The following ARNT variants were observed in gnomAD, a reference collection of about 807,000 sequenced individuals.
ARNT encodes class E basic helix-loop-helix protein 2.
In ARNT, 30 loss-of-function variants were observed where a neutral mutation model predicts 105.0. That is an observed-to-expected ratio of 0.29 (90% confidence interval 0.21 to 0.39). The LOEUF is 0.39. Ranked by LOEUF, ARNT falls within the 10% of genes least tolerant of loss-of-function variation. ARNT has a pLI of 1.00. For synonymous variants in ARNT, 304 were observed against 344.0 expected (o/e 0.88, Z 1.29); for missense variants, 748 against 978.7 (o/e 0.76, Z 3.15).
At chr1:150,825,896 G>GA (rs1165628918) in intron 13 of ARNT, among the ~76,000 whole-genome samples, 1 of 150,220 alleles carries the variant, frequency 6.7e-6, no homozygotes, top group Non-Finnish European at 1.5e-5. Flanking sequence ...CAAGCTTAGT[G>GA]AAGTATACAA....
intron 8 of ARNT, 53 bp from the exon 9 acceptor site, chr1:150,832,452 C>T (rs1047113204): frequency 5.2e-6 from 8 of 1,541,086 alleles, no homozygotes; most frequent in Middle Eastern, 3.4e-4. Context: ...TATCAAAGAA[C>T]TTTCCACAGT....
intron 1 of ARNT, among the ~76,000 whole-genome samples, chr1:150,866,224 C>T (rs1035263976): frequency 2.6e-5 from 4 of 152,110 alleles, no homozygotes; most frequent in Admixed American, 2.0e-4. Context: ...CTCAGGTGAT[C>T]CACCTGCCTC....
intron 6 of ARNT, among the ~76,000 whole-genome samples, 198 bp downstream of exon 6, chr1:150,839,243 T>C (rs954005380): frequency 3.3e-5 from 5 of 152,238 alleles, no homozygotes; most frequent in Admixed American, 1.3e-4. Flanking sequence ...TAATACTTAT[T>C]AGCTTATTAA....
At chr1:150,875,639 G>GGAAT (rs1191784645) in intron 1 of ARNT, among the ~76,000 whole-genome samples, 5 of 152,188 alleles carry the variant, frequency 3.3e-5, no homozygotes, top group African/African-American at 1.2e-4. Flanking sequence ...CTTCTAAAGA[G>GGAAT]GAATAACTGT....
Position 150,810,812 on chromosome 1 carries a change from C to T in ARNT, c.*1209G>A, listed in dbSNP as rs946255950. On this transcript the variant is annotated 3_prime_UTR_variant, in exon 22 of 22. Transcript: ENST00000358595. ...ATGATACTTGCACTCTAAAGCAAAACCCAATCTCAAGATTGGAGGGAGCAA... is the reference window on the plus strand; with the variant it reads ...ATGATACTTGCACTCTAAAGCAAAATCCAATCTCAAGATTGGAGGGAGCAA... The T allele has an allele frequency of 1.8e-5, 4 of 221,860 alleles. No homozygotes were observed. Among genetic ancestry groups the T allele is most frequent in the African/African-American group, 9.0e-5 (4 of 44,662 alleles). The allele number at this position is 221,860 out of a possible 1,614,324, so 13.7% of individuals were successfully genotyped here.
At position 150,839,748 on chromosome 1, in the gene ARNT, G is replaced by T. The variant is rs954239611; in HGVS notation, c.273-94C>A. On this transcript the variant is annotated intron_variant, in intron 5 of 21. Coordinates refer to ENST00000358595, the MANE Select transcript of ARNT (RefSeq NM_001668.4). ...TATGGATACCAAGTGTGCTGCTGAA[G>T]AATGTGGTATTCAGATTTAGTGATG... is the stretch of plus-strand genomic sequence containing the variant. 22 of 1,289,614 alleles carry T rather than the reference G, an allele frequency of 1.7e-5. No homozygotes were observed. In the Admixed American group the frequency reaches 2.5e-4, roughly 15 times the overall value. The allele number at this position is 1,289,614 out of a possible 1,614,324, so 79.9% of individuals were successfully genotyped here. A position where few individuals can be genotyped will look rare whatever the true frequency, so the allele number is the denominator to read the frequency against.
At position 150,876,599 on chromosome 1, in the gene ARNT, C is replaced by G. The variant is rs1051818046; in HGVS notation, c.-32G>C. 9.8e-6 allele frequency: 15 copies of G among 1,536,672 alleles called. No individual in the cohort carries two copies. Among genetic ancestry groups the G allele is most frequent in the African/African-American group, 1.4e-5 (1 of 72,426 alleles). On this transcript the variant is annotated 5_prime_UTR_variant, in exon 1 of 22. Coordinates refer to ENST00000358595, the MANE Select transcript of ARNT (RefSeq NM_001668.4). ...AGATGCCACCGCCGCCGCGCCACCC[C>G]CCCCCCCAGTGGGAGGAGCCGCCGC...
chr1:150,831,685 T>C (rs1437963801), intron 10 of ARNT, 133 bp downstream of exon 10: 2 of 621,998 alleles, frequency 3.2e-6, no homozygotes, highest in Non-Finnish European at 5.5e-6. Flanking sequence ...TTGTACATTT[T>C]CTTTTCCTAT....
At chr1:150,849,651 T>C (rs1474579183) in intron 3 of ARNT, among the ~76,000 whole-genome samples, 1 of 152,006 alleles carries the variant, frequency 6.6e-6, no homozygotes, top group Non-Finnish European at 1.5e-5. Context: ...TAGACCCAGC[T>C]ACTTGGGAGA....
intron 1 of ARNT, among the ~76,000 whole-genome samples, chr1:150,864,311 A>G (rs759100446): frequency 6.6e-6 from 1 of 152,202 alleles, no homozygotes; most frequent in Non-Finnish European, 1.5e-5. Flanking sequence ...TAGGTGACAC[A>G]TAACAGCAAC....
In ARNT at chr1:150,858,475, A is replaced by C; in HGVS notation, c.26-15T>G. 4.5e-6 allele frequency: 7 copies of C among 1,562,604 alleles called. No individual in the cohort carries two copies. In the Middle Eastern group the frequency reaches 5.0e-4, roughly 112 times the overall value. On this transcript the variant is annotated splice_polypyrimidine_tract_variant and intron_variant, in intron 1 of 21. Transcript: ENST00000358595. ...TGATGTCATTTCTGTCAGGAAAATAATGAAGTAAACATTTTTAAAAAGACA... is the reference window on the plus strand; with the variant it reads ...TGATGTCATTTCTGTCAGGAAAATACTGAAGTAAACATTTTTAAAAAGACA...
intron 3 of ARNT, among the ~76,000 whole-genome samples, chr1:150,848,342 G>A (rs587766166): frequency 1.6e-3 from 236 of 152,146 alleles, no homozygotes; most frequent in Non-Finnish European, 2.7e-3. Context: ...TGTAATCCCA[G>A]CTACTCAGGA....
At chr1:150,846,993 C>T (rs1167277024) in intron 3 of ARNT, among the ~76,000 whole-genome samples, 1 of 152,154 alleles carries the variant, frequency 6.6e-6, no homozygotes, top group African/African-American at 2.4e-5. Flanking sequence ...GTACATACTA[C>T]ATTTTCTGTA....
intron 1 of ARNT, among the ~76,000 whole-genome samples, chr1:150,863,968 T>C (rs1666106102): frequency 6.6e-6 from 1 of 152,132 alleles, no homozygotes; most frequent in Admixed American, 6.5e-5. Context: ...CAACATTGTG[T>C]GAATATCATT....
intron 1 of ARNT, among the ~76,000 whole-genome samples, chr1:150,860,586 T>C (rs587732745): frequency 5.9e-5 from 9 of 152,054 alleles, no homozygotes; most frequent in Non-Finnish European, 1.0e-4. Flanking sequence ...CCAGGCACGG[T>C]GGCTCACACC....
intron 4 of ARNT, among the ~76,000 whole-genome samples, chr1:150,844,003 T>C (rs1024928409): frequency 2.6e-5 from 4 of 152,214 alleles, no homozygotes; most frequent in Non-Finnish European, 4.4e-5. Flanking sequence ...TATATGCACA[T>C]TAAGCAGGAC....
At chr1:150,852,194 C>A (rs1663752159) in intron 3 of ARNT, among the ~76,000 whole-genome samples, 1 of 152,184 alleles carries the variant, frequency 6.6e-6, no homozygotes, top group South Asian at 2.1e-4. Flanking sequence ...CCTTGTGTAA[C>A]CCCCTCACAC....
In ARNT at chr1:150,811,020, C is replaced by G. The variant is rs1029061800; in HGVS notation, c.*1001G>C. On this transcript the variant is annotated 3_prime_UTR_variant, in exon 22 of 22. Transcript: ENST00000358595. ...AAGTTGAGTTTCCATGCAGAAATAA[C>G]CTCTACAGAACACACATCATATGTG... 8.7e-6 allele frequency: 2 copies of G among 230,992 alleles called. No individual in the cohort carries two copies. The highest frequency in any genetic ancestry group is 1.7e-5 in the Non-Finnish European group (2 of 116,422). 14.3% of individuals were successfully genotyped at this position (230,992 alleles called of 1,614,324 possible). A position where few individuals can be genotyped will look rare whatever the true frequency, so the allele number is the denominator to read the frequency against.
At chr1:150,872,393 TA>T (rs939083955) in intron 1 of ARNT, among the ~76,000 whole-genome samples, 3 of 152,108 alleles carry the variant, frequency 2.0e-5, no homozygotes, top group Non-Finnish European at 4.4e-5. Context: ...GAAAATTAGC[TA>T]AAAAAAATTT....
Sources: gnomAD v4.1 joint callset for allele counts (sites outside exome capture counted in the v4.1 genomes callset) on GRCh38, gnomAD v4.1.1 for gene constraint, MANE v1.5 for transcripts, NCBI Gene and HGNC (gene_info 2026-07-23, HGNC 2026-07-21) for gene names.